RIMS2: variants seen among roughly 807,000 people sequenced by gnomAD.
RIMS2 encodes regulating synaptic membrane exocytosis protein 2.
RIMS2 carries 59 observed loss-of-function variants against 174.4 expected under a neutral mutation model. The ratio of observed to expected loss-of-function variants is 0.34; its 90% CI spans 0.27 to 0.42. RIMS2 has a LOEUF of 0.42. Among genes scored for constraint, RIMS2 ranks in the 10% least tolerant of loss-of-function variants. The pLI, the probability that RIMS2 is intolerant of heterozygous loss-of-function variation, is 1.00. For missense variants in RIMS2, 1,620 were observed against 1,666.3 expected (o/e 0.97, Z 0.48); for synonymous variants, 606 against 572.5 (o/e 1.06, Z -0.84).
intron 17 of RIMS2, among the ~76,000 whole-genome samples, chr8:104,001,429 T>G (rs949014109): frequency 1.3e-5 from 2 of 152,004 alleles, no homozygotes; most frequent in Non-Finnish European, 2.9e-5. Context: ...TATAAATGAA[T>G]GTGTATTAGT....
intron 2 of RIMS2, among the ~76,000 whole-genome samples, chr8:103,712,987 TTTCTTTTCCTTCCTTCCTTCC>T (rs1182845369): frequency 2.0e-5 from 3 of 151,836 alleles, no homozygotes; most frequent in Non-Finnish European, 4.4e-5. Context: ...ACATTGGATT[TTTCTTTTCCTTCCTTCCTTCC>T]TTCTTTTCCT....
At chr8:104,012,127 A>G (rs1246022679) in intron 17 of RIMS2, among the ~76,000 whole-genome samples, 1 of 151,918 alleles carries the variant, frequency 6.6e-6, no homozygotes, top group East Asian at 1.9e-4. Context: ...CTTATATGAA[A>G]ATACTAAACT....
chr8:103,607,059 T>G (rs1027744945), intron 1 of RIMS2, among the ~76,000 whole-genome samples: 64 of 152,218 alleles, frequency 4.2e-4, no homozygotes, highest in African/African-American at 1.5e-3. Flanking sequence ...GTTAGCTGGT[T>G]ATTTTGCTCG....
intron 10 of RIMS2, among the ~76,000 whole-genome samples, chr8:103,923,954 T>C (rs917698785): frequency 6.6e-6 from 1 of 151,770 alleles, no homozygotes; most frequent in Non-Finnish European, 1.5e-5. Context: ...GACTTTTTCC[T>C]GTCCTTAAAA....
At chr8:104,123,900 GA>G (rs1350499405) in intron 19 of RIMS2, among the ~76,000 whole-genome samples, 1 of 151,992 alleles carries the variant, frequency 6.6e-6, no homozygotes, top group African/African-American at 2.4e-5. Context: ...ACCAACACAT[GA>G]AAAAATTCTA....
At chr8:103,669,796 G>C (rs2080612) in intron 1 of RIMS2, among the ~76,000 whole-genome samples, 123,444 of 152,108 alleles carry the variant, frequency 0.81, 50,594 homozygotes, top group African/African-American at 0.92. Flanking sequence ...AGGGTACAGA[G>C]CCCCTTCCGG....
chr8:104,138,084 G>T (rs113645129), intron 19 of RIMS2, among the ~76,000 whole-genome samples: 1 of 152,018 alleles, frequency 6.6e-6, no homozygotes, highest in Admixed American at 6.6e-5. Flanking sequence ...TTAACATAAC[G>T]TCCTCCAGTT....
intron 1 of RIMS2, among the ~76,000 whole-genome samples, chr8:103,553,902 C>T (rs1039455077): frequency 6.6e-6 from 1 of 152,000 alleles, no homozygotes; most frequent in African/African-American, 2.4e-5. Flanking sequence ...ATGCTACACA[C>T]CTATAATCAT....
chr8:103,788,908 C>G (rs929747572), intron 3 of RIMS2, among the ~76,000 whole-genome samples: 1 of 152,226 alleles, frequency 6.6e-6, no homozygotes, highest in African/African-American at 2.4e-5. Flanking sequence ...GACTGCTGTG[C>G]TAGCAATCAG....
At chr8:104,090,097 C>T (rs1040947915) in intron 19 of RIMS2, among the ~76,000 whole-genome samples, 1 of 151,256 alleles carries the variant, frequency 6.6e-6, no homozygotes, top group African/African-American at 2.4e-5. Flanking sequence ...ACACAGAGCC[C>T]AATGACAAGA....
chr8:103,869,094 G>C (rs1217911477), intron 3 of RIMS2, among the ~76,000 whole-genome samples: 1 of 151,918 alleles, frequency 6.6e-6, no homozygotes, highest in Non-Finnish European at 1.5e-5. Context: ...TCATGTATGA[G>C]GAGTGTTCAC....
intron 17 of RIMS2, among the ~76,000 whole-genome samples, chr8:103,999,846 G>C (rs1186951036): frequency 6.6e-6 from 1 of 151,476 alleles, no homozygotes; most frequent in Admixed American, 6.6e-5. Flanking sequence ...TCTCAACTTC[G>C]GCCTAATTGG....
At chr8:103,550,161 C>G (rs1026224299) in intron 1 of RIMS2, among the ~76,000 whole-genome samples, 17 of 152,202 alleles carry the variant, frequency 1.1e-4, no homozygotes, top group Non-Finnish European at 2.9e-5. Context: ...ACATTCTTCT[C>G]AGCACCATAT....
At chr8:103,923,014 A>G (rs1302766537) in intron 10 of RIMS2, among the ~76,000 whole-genome samples, 2 of 151,966 alleles carry the variant, frequency 1.3e-5, no homozygotes, top group East Asian at 3.8e-4. Flanking sequence ...TGTATTTCAT[A>G]AACAGAGTGA....
intron 12 of RIMS2, among the ~76,000 whole-genome samples, chr8:103,936,236 A>T (rs1461627494): frequency 4.0e-5 from 6 of 151,260 alleles, no homozygotes; most frequent in East Asian, 1.9e-4. Flanking sequence ...GTGATATTTT[A>T]AAAAAATTAT....
intron 19 of RIMS2, 136 bp downstream of exon 21, chr8:104,014,751 A>G (rs2095856765): frequency 2.3e-6 from 1 of 440,440 alleles, no homozygotes; most frequent in Non-Finnish European, 4.0e-6. Context: ...TAATAGTTAT[A>G]TTTATAAATA....
intron 19 of RIMS2, 150 bp downstream of exon 22, chr8:104,041,508 G>C (rs1190241030): frequency 2.0e-6 from 1 of 499,362 alleles, no homozygotes; most frequent in Non-Finnish European, 3.6e-6. Flanking sequence ...TTAGGTATTT[G>C]TGTATTCAAC....
chr8:104,079,918 A>T (rs1189227232), intron 19 of RIMS2, among the ~76,000 whole-genome samples: 5 of 151,804 alleles, frequency 3.3e-5, no homozygotes, highest in Admixed American at 6.6e-5. Context: ...GTAGGATAGG[A>T]TAGTTTGAAA....
At chr8:104,182,407 A>C (rs115948606) in intron 19 of RIMS2, among the ~76,000 whole-genome samples, 1 of 151,868 alleles carries the variant, frequency 6.6e-6, no homozygotes, top group African/African-American at 2.4e-5. Flanking sequence ...CTGCATATTT[A>C]AAATGTACAA....
Sources: allele counts gnomAD v4.1 joint callset (sites outside exome capture counted in the v4.1 genomes callset), GRCh38; gene constraint gnomAD v4.1.1; transcripts MANE v1.5; gene names NCBI Gene and HGNC (gene_info 2026-07-23, HGNC 2026-07-21).